Variants in NUDCD3 observed in about 807,000 individuals in gnomAD.
NUDCD3 encodes the protein nudC domain-containing protein 3.
In NUDCD3, 13 loss-of-function variants were observed where a neutral mutation model predicts 39.7. That is an observed-to-expected ratio of 0.33 (90% CI 0.21 to 0.52). The LOEUF is 0.52. NUDCD3 is among the 20% of genes least tolerant of loss of function. The pLI is 0.96. For synonymous variants in NUDCD3, 175 were observed against 172.4 expected (o/e 1.02, Z -0.12); for missense variants, 453 against 458.1 (o/e 0.99, Z 0.10).
chr7:44,412,121 T>G (rs1453649745), intron 3 of NUDCD3, among the ~76,000 whole-genome samples: 1 of 152,230 alleles, frequency 6.6e-6, no homozygotes, highest in Admixed American at 6.5e-5. Flanking sequence ...CCTCTAAGAC[T>G]AGGAAGATAT....
At chr7:44,407,933 A>G (rs1798859432) in intron 3 of NUDCD3, among the ~76,000 whole-genome samples, 1 of 152,204 alleles carries the variant, frequency 6.6e-6, no homozygotes, top group African/African-American at 2.4e-5. Context: ...AATTTTCCAG[A>G]GCCAAAGGAA....
chr7:44,473,903 T>G (rs147322987), intron 2 of NUDCD3, among the ~76,000 whole-genome samples: 7 of 152,358 alleles, frequency 4.6e-5, no homozygotes, highest in Admixed American at 2.0e-4. Flanking sequence ...GAGGCATTGG[T>G]GTTTGGAGCC....
chr7:44,467,620 G>A (rs1234356966), intron 2 of NUDCD3, among the ~76,000 whole-genome samples: 5 of 151,854 alleles, frequency 3.3e-5, no homozygotes, highest in Non-Finnish European at 5.9e-5. Flanking sequence ...GACTGGGGCA[G>A]GCTGGCAATC....
At chr7:44,397,574 C>A (rs1457419242) in intron 4 of NUDCD3, among the ~76,000 whole-genome samples, 5 of 152,114 alleles carry the variant, frequency 3.3e-5, no homozygotes. Context: ...TGACGTTAAG[C>A]TTCTCATGTG....
intron 3 of NUDCD3, among the ~76,000 whole-genome samples, chr7:44,412,602 A>T (rs918336828): frequency 2.6e-5 from 4 of 152,224 alleles, no homozygotes; most frequent in African/African-American, 9.7e-5. Flanking sequence ...GAAGAAAACA[A>T]ATCATTTCAT....
intron 2 of NUDCD3, among the ~76,000 whole-genome samples, chr7:44,458,305 G>C (rs1373693398): frequency 6.6e-6 from 1 of 152,210 alleles, no homozygotes; most frequent in Non-Finnish European, 1.5e-5. Context: ...CTAGGGCTGG[G>C]AGGTTTGAGA....
intron 2 of NUDCD3, among the ~76,000 whole-genome samples, chr7:44,462,567 G>A (rs573691676): frequency 4.9e-4 from 75 of 152,328 alleles, no homozygotes; most frequent in Non-Finnish European, 9.4e-4. Context: ...AATGAAAACA[G>A]AAAACTCCTA....
At chr7:44,457,106 A>G (rs1270352807) in intron 2 of NUDCD3, among the ~76,000 whole-genome samples, 19 of 152,100 alleles carry the variant, frequency 1.2e-4, no homozygotes, top group Admixed American at 1.2e-3. Context: ...GTGACCCCTG[A>G]TGAGGTCTCA....
intron 3 of NUDCD3, among the ~76,000 whole-genome samples, chr7:44,420,211 A>G (rs998710244): frequency 3.9e-5 from 6 of 152,078 alleles, no homozygotes; most frequent in Non-Finnish European, 7.4e-5. Flanking sequence ...ATACACAAGT[A>G]TCAACAGCCA....
At chr7:44,475,112 C>CTTT (rs369792184) in intron 2 of NUDCD3, among the ~76,000 whole-genome samples, 25 of 139,638 alleles carry the variant, frequency 1.8e-4, no homozygotes, top group South Asian at 4.6e-4. Flanking sequence ...AAATTCATTT[C>CTTT]TTTTTTTTTT....
At chr7:44,419,415 C>T (rs1237124228) in intron 3 of NUDCD3, among the ~76,000 whole-genome samples, 3 of 152,330 alleles carry the variant, frequency 2.0e-5, no homozygotes, top group African/African-American at 4.8e-5. Context: ...CTTCAGCAGA[C>T]TTAAACATTC....
At chr7:44,456,025 C>CAAAAAAAAAAAAAAAA (rs1233592095) in intron 2 of NUDCD3, among the ~76,000 whole-genome samples, 5 of 28,500 alleles carry the variant, frequency 1.8e-4, no homozygotes, top group Admixed American at 6.7e-4. Flanking sequence ...GACTCCGTCT[C>CAAAAAAAAAAAAAAAA]AAAAAAAAAA....
chr7:44,424,953 T>C (rs1002605055), intron 3 of NUDCD3, among the ~76,000 whole-genome samples: 18 of 152,324 alleles, frequency 1.2e-4, no homozygotes, highest in African/African-American at 4.1e-4. Flanking sequence ...CACGGAATAC[T>C]ATGCAGCCAT....
chr7:44,485,605 T>C (rs925612741), intron 1 of NUDCD3: 3 of 226,538 alleles, frequency 1.3e-5, no homozygotes, highest in Non-Finnish European at 2.6e-5. Context: ...ATGCAAAGAA[T>C]ACACGGTCCT....
intron 2 of NUDCD3, among the ~76,000 whole-genome samples, chr7:44,470,902 T>C (rs542043724): frequency 6.6e-6 from 1 of 152,296 alleles, no homozygotes; most frequent in South Asian, 2.1e-4. Context: ...CATACACAAA[T>C]GTGAAAATAT....
At chr7:44,449,491 C>T (rs1799752093) in intron 2 of NUDCD3, among the ~76,000 whole-genome samples, 2 of 152,070 alleles carry the variant, frequency 1.3e-5, no homozygotes, top group Non-Finnish European at 2.9e-5. Flanking sequence ...AAGGAAGGCA[C>T]AGGGCAAAAT....
intron 3 of NUDCD3, among the ~76,000 whole-genome samples, chr7:44,423,896 C>T (rs1009394411): frequency 1.3e-5 from 2 of 152,182 alleles, no homozygotes; most frequent in African/African-American, 4.8e-5. Flanking sequence ...TCAAACTATA[C>T]TACAAGGCTA....
chr7:44,476,478 T>C (rs1800371902), intron 2 of NUDCD3, among the ~76,000 whole-genome samples: 1 of 152,172 alleles, frequency 6.6e-6, no homozygotes, highest in Non-Finnish European at 1.5e-5. Flanking sequence ...TTTGCCCCTT[T>C]CACCATGTGA....
At chr7:44,469,158 A>G (rs377737925) in intron 2 of NUDCD3, among the ~76,000 whole-genome samples, 28 of 150,456 alleles carry the variant, frequency 1.9e-4, no homozygotes, top group African/African-American at 6.3e-4. Context: ...ATTTCAGTCA[A>G]CTTGAGTCAG....
Sources: gnomAD v4.1 joint callset for allele counts (sites outside exome capture counted in the v4.1 genomes callset) on GRCh38, gnomAD v4.1.1 for gene constraint, MANE v1.5 for transcripts, NCBI Gene and HGNC (gene_info 2026-07-23, HGNC 2026-07-21) for gene names.